SYTL3: variants seen among roughly 807,000 people sequenced by gnomAD.
SYTL3 encodes the protein synaptotagmin-like protein 3.
In SYTL3, 88 loss-of-function variants were observed where a neutral mutation model predicts 82.1. The ratio of observed to expected loss-of-function variants is 1.07; its 90% confidence interval spans 0.90 to 1.28. SYTL3 has a LOEUF of 1.28. SYTL3 is among the 50% of genes most tolerant of loss of function. The probability of loss-of-function intolerance (pLI) is 0.00; values close to 1 mark genes in which losing one functional copy is unlikely to be tolerated. For synonymous variants in SYTL3, 311 were observed against 289.4 expected (o/e 1.07, Z -0.76); for missense variants, 831 against 757.6 (o/e 1.10, Z -1.14).
At chr6:158,757,561 G>A (rs2018933) in intron 14 of SYTL3, among the ~76,000 whole-genome samples, 180 bp downstream of exon 14, 56,108 of 151,956 alleles carry the variant, frequency 0.37, 11,221 homozygotes, top group East Asian at 0.79. Context: ...TGGGCGGAGG[G>A]TTTGTTTTAA....
At chr6:158,700,576 T>C (rs1470218496) in intron 6 of SYTL3, among the ~76,000 whole-genome samples, 1 of 112,722 alleles carries the variant, frequency 8.9e-6, no homozygotes, top group East Asian at 2.0e-4. Context: ...CTTCCTGCTA[T>C]TGTTAAAATA....
intron 11 of SYTL3, among the ~76,000 whole-genome samples, chr6:158,729,708 A>C (rs548040916): frequency 6.6e-6 from 1 of 151,216 alleles, no homozygotes; most frequent in African/African-American, 2.4e-5. Context: ...CTGGGACTAC[A>C]GGCGCCCGCC....
chr6:158,653,500 C>T (rs1386419571), intron 2 of SYTL3, among the ~76,000 whole-genome samples: 1 of 151,116 alleles, frequency 6.6e-6, no homozygotes, highest in Non-Finnish European at 1.5e-5. Context: ...GAGCGAACTC[C>T]GTCTCAGAGA....
Position 158,699,201 on chromosome 6 carries a change from T to C in SYTL3, c.395-8029T>C, listed in dbSNP as rs149194921. On this transcript the variant is annotated intron_variant, in intron 6 of 17. Transcript: ENST00000611299. ...CGAGCAACACGACTTGGCGGGCTGA[T>C]GGAGTCACTGTGGGACATTCCAGGG... Among the ~76,000 whole-genome samples, 207 of 152,302 alleles carry C rather than the reference T, an allele frequency of 1.4e-3. 1 individual carries two copies. Among genetic ancestry groups the C allele is most frequent in the African/African-American group, 4.3e-3 (178 of 41,550 alleles).
At chr6:158,675,714 A>G (rs1030874489) in intron 5 of SYTL3, among the ~76,000 whole-genome samples, 3 of 152,088 alleles carry the variant, frequency 2.0e-5, no homozygotes, top group Non-Finnish European at 4.4e-5. Flanking sequence ...TTGGGAGGCC[A>G]AGATGGGCGG....
chr6:158,721,751 G>C, intron 10 of SYTL3, among the ~76,000 whole-genome samples: 1 of 152,114 alleles, frequency 6.6e-6, no homozygotes, highest in Middle Eastern at 3.2e-3. Flanking sequence ...TCATGCCTCA[G>C]CCTCTTGAGT....
upstream of SYTL3, among the ~76,000 whole-genome samples, chr6:158,645,142 C>T (rs556733709): frequency 1.8e-4 from 28 of 152,284 alleles, no homozygotes; most frequent in African/African-American, 6.5e-4. Flanking sequence ...GCAGTGCGCC[C>T]GGTGAGACGT....
At chr6:158,666,757 C>T (rs980243938) in intron 5 of SYTL3, among the ~76,000 whole-genome samples, 6 of 152,188 alleles carry the variant, frequency 3.9e-5, no homozygotes, top group African/African-American at 1.4e-4. Context: ...TTAACGCACG[C>T]CCTGGCATTC....
intron 14 of SYTL3, among the ~76,000 whole-genome samples, chr6:158,759,159 C>A (rs10945560): frequency 0.35 from 53,583 of 152,122 alleles, 10,451 homozygotes; most frequent in East Asian, 0.79. Context: ...GCCACCAGGC[C>A]TCATCAGACT....
At chr6:158,746,131 T>A (rs1351011877) in intron 12 of SYTL3, among the ~76,000 whole-genome samples, 1 of 151,978 alleles carries the variant, frequency 6.6e-6, no homozygotes, top group Non-Finnish European at 1.5e-5. Context: ...TCGGGCCTCT[T>A]TTATGAGGGC....
chr6:158,732,954 GA>G (rs35643386), intron 11 of SYTL3, among the ~76,000 whole-genome samples: 22,078 of 134,516 alleles, frequency 0.16, 2,608 homozygotes, highest in African/African-American at 0.37. Flanking sequence ...AGTTTAAAAA[GA>G]AAAAAAAAAA....
At chr6:158,662,231 A>G (rs567338714) in intron 3 of SYTL3, among the ~76,000 whole-genome samples, 8 of 152,312 alleles carry the variant, frequency 5.3e-5, no homozygotes, top group South Asian at 2.1e-4. Flanking sequence ...TATAGGAAGT[A>G]TATTGATTTG....
chr6:158,743,178 T>A (rs1392740028), intron 11 of SYTL3, among the ~76,000 whole-genome samples: 2 of 152,158 alleles, frequency 1.3e-5, no homozygotes, highest in Non-Finnish European at 2.9e-5. Flanking sequence ...GTGCTCCTGA[T>A]GCAAGGAGAG....
chr6:158,658,643 G>T (rs1388749927), intron 2 of SYTL3, among the ~76,000 whole-genome samples: 2 of 152,076 alleles, frequency 1.3e-5, no homozygotes, highest in East Asian at 3.9e-4. Flanking sequence ...AGAGTACGTC[G>T]GCCAGGCGCG....
intron 6 of SYTL3, among the ~76,000 whole-genome samples, chr6:158,702,326 CAAAAA>C (rs1193990568): frequency 1.4e-5 from 1 of 70,650 alleles, no homozygotes; most frequent in Non-Finnish European, 3.0e-5. Context: ...GACTCTGTCT[CAAAAA>C]AAAAAAAAAA....
intron 5 of SYTL3, among the ~76,000 whole-genome samples, chr6:158,667,926 C>T (rs1790277125): frequency 6.6e-6 from 1 of 152,152 alleles, no homozygotes; most frequent in Admixed American, 6.5e-5. Context: ...CCTGGGAGCT[C>T]AGAGAGGGAG....
chr6:158,759,039 C>T (rs1236770100), intron 14 of SYTL3, among the ~76,000 whole-genome samples: 1 of 152,232 alleles, frequency 6.6e-6, no homozygotes, highest in African/African-American at 2.4e-5. Context: ...CCAGCCTGAA[C>T]TCCTTCTGTC....
intron 5 of SYTL3, among the ~76,000 whole-genome samples, chr6:158,680,681 G>C (rs1320046850): frequency 1.3e-5 from 2 of 152,042 alleles, no homozygotes; most frequent in Non-Finnish European, 2.9e-5. Context: ...GAGCCCGGGA[G>C]GCAGGGATTG....
At chr6:158,687,717 C>A (rs1238160724) in intron 6 of SYTL3, among the ~76,000 whole-genome samples, 1 of 152,240 alleles carries the variant, frequency 6.6e-6, no homozygotes, top group Non-Finnish European at 1.5e-5. Flanking sequence ...CTCTGCCCTT[C>A]ATTCTCACTT....
Sources: allele counts gnomAD v4.1 joint callset (sites outside exome capture counted in the v4.1 genomes callset), GRCh38; gene constraint gnomAD v4.1.1; transcripts MANE v1.5; gene names NCBI Gene and HGNC (gene_info 2026-07-23, HGNC 2026-07-21).